Variants in THRB observed in about 807,000 individuals in gnomAD.
THRB encodes the protein nuclear receptor subfamily 1 group A member 2.
In THRB, 12 loss-of-function variants were observed where a neutral mutation model predicts 47.8. That is an observed-to-expected ratio of 0.25 (90% confidence interval 0.16 to 0.41). The LOEUF is 0.41. THRB is among the 10% of genes least tolerant of loss of function. THRB has a pLI of 1.00. For synonymous variants in THRB, 218 were observed against 212.2 expected (o/e 1.03, Z -0.24); for missense variants, 348 against 589.2 (o/e 0.59, Z 4.24).
At chr3:24,445,213 G>T (rs181375539) in intron 1 of THRB, among the ~76,000 whole-genome samples, 2 of 152,046 alleles carry the variant, frequency 1.3e-5, no homozygotes, top group Non-Finnish European at 2.9e-5. Flanking sequence ...TAAAATGTAT[G>T]TTGCTATCTC....
intron 3 of THRB, among the ~76,000 whole-genome samples, chr3:24,293,402 A>G (rs2056145316): frequency 3.3e-5 from 5 of 152,256 alleles, no homozygotes; most frequent in Admixed American, 3.3e-4. Context: ...TCTTACTAAG[A>G]AAACTCTAGC....
intron 1 of THRB, among the ~76,000 whole-genome samples, chr3:24,350,515 T>A (rs2063297409): frequency 6.6e-6 from 1 of 151,934 alleles, no homozygotes; most frequent in Non-Finnish European, 1.5e-5. Context: ...AATGATAGAG[T>A]CTTCCAAACA....
At chr3:24,477,245 T>C (rs992581259) in intron 1 of THRB, among the ~76,000 whole-genome samples, 6 of 152,218 alleles carry the variant, frequency 3.9e-5, no homozygotes, top group African/African-American at 1.4e-4. Flanking sequence ...CAAGGCCCAC[T>C]AATGTGTTGG....
chr3:24,183,671 C>A (rs1274885619), intron 5 of THRB, among the ~76,000 whole-genome samples: 1 of 144,018 alleles, frequency 6.9e-6, no homozygotes, highest in Non-Finnish European at 1.5e-5. Flanking sequence ...CGGCGCCTGG[C>A]CTTTCATCTT....
Position 24,143,719 on chromosome 3 carries a change from G to A in THRB, c.533-13C>T, listed in dbSNP as rs1292975810. The A allele has an allele frequency of 6.2e-7, 1 of 1,613,824 alleles. No individual in the cohort carries two copies. Among genetic ancestry groups the A allele is most frequent in the Non-Finnish European group, 8.5e-7 (1 of 1,179,806 alleles). ...TCATCCAGCACCACTGGGAGGGGGA[G>A]AAAGATGAGACAAGGCACACAGATG... On this transcript the variant is annotated splice_polypyrimidine_tract_variant and intron_variant, in intron 7 of 10. Coordinates refer to ENST00000646209, the MANE Select transcript of THRB (RefSeq NM_001354712.2).
At chr3:24,187,405 G>T (rs2042738570) in intron 5 of THRB, among the ~76,000 whole-genome samples, 1 of 152,226 alleles carries the variant, frequency 6.6e-6, no homozygotes, top group Non-Finnish European at 1.5e-5. Flanking sequence ...TGGGCTCACT[G>T]CACAGCTTCA....
intron 3 of THRB, among the ~76,000 whole-genome samples, chr3:24,236,148 G>A (rs2048850084): frequency 6.6e-6 from 1 of 151,614 alleles, no homozygotes; most frequent in African/African-American, 2.4e-5. Context: ...CCCCTCATAG[G>A]AGGAGAGGGA....
At chr3:24,202,003 C>T (rs190441424) in intron 4 of THRB, among the ~76,000 whole-genome samples, 2 of 152,204 alleles carry the variant, frequency 1.3e-5, no homozygotes, top group Non-Finnish European at 2.9e-5. Context: ...GAACCTGGAG[C>T]ACAGAGAGGT....
At chr3:24,478,017 T>A (rs1695751809) in intron 1 of THRB, among the ~76,000 whole-genome samples, 1 of 151,818 alleles carries the variant, frequency 6.6e-6, no homozygotes, top group African/African-American at 2.4e-5. Context: ...GAACTTAAAC[T>A]GTGAAATTCA....
chr3:24,297,825 G>A (rs1332062456), intron 2 of THRB, among the ~76,000 whole-genome samples: 3 of 152,174 alleles, frequency 2.0e-5, no homozygotes, highest in African/African-American at 7.2e-5. Flanking sequence ...TGTGGGTTTG[G>A]ACCCAGCCCA....
intron 1 of THRB, among the ~76,000 whole-genome samples, chr3:24,418,916 A>G (rs1001110665): frequency 1.3e-5 from 2 of 151,956 alleles, no homozygotes; most frequent in Non-Finnish European, 2.9e-5. Context: ...ATATTTCTGG[A>G]AAGACTACCT....
chr3:24,389,858 C>G (rs1420905565), intron 1 of THRB, among the ~76,000 whole-genome samples: 2 of 152,160 alleles, frequency 1.3e-5, no homozygotes, highest in Non-Finnish European at 1.5e-5. Context: ...CAGTGGCAGT[C>G]ACTAAAGGCA....
At chr3:24,195,177 A>T (rs1190288121) in intron 4 of THRB, among the ~76,000 whole-genome samples, 1 of 152,200 alleles carries the variant, frequency 6.6e-6, no homozygotes, top group Non-Finnish European at 1.5e-5. Flanking sequence ...TTTTTTTAGA[A>T]TCGTGCAGGA....
At chr3:24,151,427 G>A (rs1278724489) in intron 6 of THRB, among the ~76,000 whole-genome samples, 2 of 152,082 alleles carry the variant, frequency 1.3e-5, no homozygotes, top group South Asian at 2.1e-4. Flanking sequence ...AGGAGGGAAG[G>A]TGAAATGTTT....
chr3:24,178,407 C>T (rs531657710), intron 5 of THRB, among the ~76,000 whole-genome samples: 1 of 152,208 alleles, frequency 6.6e-6, no homozygotes, highest in South Asian at 2.1e-4. Context: ...GGGTAAATCA[C>T]TTTAGGCCAG....
At chr3:24,174,758 A>G (rs983413291) in intron 5 of THRB, among the ~76,000 whole-genome samples, 2 of 152,090 alleles carry the variant, frequency 1.3e-5, no homozygotes, top group African/African-American at 4.8e-5. Context: ...TGTGCTAACC[A>G]CTTTCCTATA....
intron 1 of THRB, among the ~76,000 whole-genome samples, chr3:24,428,308 T>G (rs2150358095): frequency 6.6e-6 from 1 of 152,110 alleles, no homozygotes; most frequent in Non-Finnish European, 1.5e-5. Flanking sequence ...GTTGCTATTC[T>G]CAGGCACAGA....
chr3:24,191,115 G>GT (rs1238529816), intron 4 of THRB, among the ~76,000 whole-genome samples: 3 of 151,574 alleles, frequency 2.0e-5, no homozygotes, highest in Non-Finnish European at 4.4e-5. Context: ...GGACTTGAGG[G>GT]TCTGGCCTAC....
chr3:24,250,959 G>GAATT (rs1465460879), intron 3 of THRB, among the ~76,000 whole-genome samples: 1 of 151,676 alleles, frequency 6.6e-6, no homozygotes, highest in East Asian at 1.9e-4. Flanking sequence ...TCCAAGAGTA[G>GAATT]AAATAGGTAG....
Sources: gnomAD v4.1 joint callset for allele counts (sites outside exome capture counted in the v4.1 genomes callset) on GRCh38, gnomAD v4.1.1 for gene constraint, MANE v1.5 for transcripts, NCBI Gene and HGNC (gene_info 2026-07-23, HGNC 2026-07-21) for gene names.